MROH1: variants seen among roughly 807,000 people sequenced by gnomAD.
The protein encoded by MROH1 is maestro heat-like repeat-containing protein family member 1.
A neutral mutation model predicts 116.5 loss-of-function variants in MROH1; 117 were observed. The observed-to-expected ratio is 1.00, with a 90% CI of 0.86 to 1.17. The LOEUF (loss-of-function observed/expected upper bound fraction) is 1.17, where lower values mean the gene tolerates loss of function less well. Among genes scored for constraint, MROH1 ranks in the 50% most tolerant of loss-of-function variants. MROH1 has a pLI of 0.00. For synonymous variants in MROH1, 921 were observed against 583.9 expected (o/e 1.58, Z -8.32); for missense variants, 1,873 against 1,338.5 (o/e 1.40, Z -6.23).
At chr8:144,230,036 AAATAATAAT>A (rs35362416) in intron 14 of MROH1, among the ~76,000 whole-genome samples, 6 of 150,086 alleles carry the variant, frequency 4.0e-5, no homozygotes, top group Non-Finnish European at 7.4e-5. Context: ...TCTGTCTCAA[AAATAATAAT>A]AATAATAATA....
In MROH1 at chr8:144,247,669, G is replaced by T. The variant is rs913389679; in HGVS notation, c.3110G>T (p.Ser1037Ile). 5.9e-4 allele frequency: 455 copies of T among 766,478 alleles called. 1 individual carries two copies. The African/African-American group carries it at 6.8e-3, about 11-fold the overall frequency. The allele number at this position is 766,478 out of a possible 1,614,324, so 47.5% of individuals were successfully genotyped here. ...DPAILFHTCH[S>I]VGQIIAKRLP... is the part of the protein sequence containing the mutation. ...GCCATTCTCTTCCACACCTGCCACA[G>T]TGTAGGCCAGGTACCAGCTGGGAGC... The change falls in exon 31 of 44, where the codon AGT becomes ATT. Residue 1037 changes from serine (S) to isoleucine (I), a missense_variant. By Grantham distance (142) the Ser-to-Ile change is moderately radical (BLOSUM62 -2). Coordinates refer to ENST00000326134, the MANE Select transcript of MROH1 (RefSeq NM_032450.3).
intron 7 of MROH1, among the ~76,000 whole-genome samples, chr8:144,188,984 A>G (rs1323149846): frequency 6.6e-6 from 1 of 152,262 alleles, no homozygotes; most frequent in African/African-American, 2.4e-5. Flanking sequence ...CAGCCAGCCA[A>G]CATACACACA....
In MROH1 at chr8:144,168,461, GGAT is replaced by G. The variant is rs1408333870; in HGVS notation, c.168+26_168+28del. The G allele has an allele frequency of 1.9e-6, 3 of 1,585,476 alleles. No individual in the cohort carries two copies. The African/African-American group carries it at 4.0e-5, about 21-fold the overall frequency. On this transcript the variant is annotated intron_variant, in intron 4 of 43. Transcript: ENST00000326134. ...ACAAGGTATGTGTGCTCCTTGGTGG[GGAT>G]GATGTTGTCAGGGCCATGGTCGGTT...
chr8:144,223,536 G>A lies in MROH1; in HGVS notation c.1338+306G>A, dbSNP rs529714709. 3.9e-5 allele frequency among the ~76,000 whole-genome samples: 6 copies of A among 152,244 alleles called. 1 individual carries two copies. In the South Asian group the frequency reaches 8.3e-4, roughly 21 times the overall value. On this transcript the variant is annotated intron_variant, in intron 14 of 43. Coordinates refer to ENST00000326134, the MANE Select transcript of MROH1 (RefSeq NM_032450.3). ...GCACATGCGTGCCTGGCTCCCTCTG[G>A]TTTCTCAGTCAGAGCCTCTGCATTG...
At chr8:144,222,682 G>A (rs975895725) in intron 13 of MROH1, among the ~76,000 whole-genome samples, 1 of 152,108 alleles carries the variant, frequency 6.6e-6, no homozygotes, top group Non-Finnish European at 1.5e-5. Context: ...GCAGGCATAG[G>A]TGTGGATGTG....
At chr8:144,190,564 A>G (rs1190474873) in intron 7 of MROH1, among the ~76,000 whole-genome samples, 1 of 152,170 alleles carries the variant, frequency 6.6e-6, no homozygotes, top group Non-Finnish European at 1.5e-5. Context: ...TCTGTCTCAA[A>G]AAAAGTCACA....
intron 36 of MROH1, 116 bp from the exon 37 acceptor site, chr8:144,259,124 C>T (rs2129960571): frequency 4.3e-6 from 3 of 691,032 alleles, no homozygotes; most frequent in East Asian, 2.7e-5. Context: ...AAACATAGAA[C>T]TCCCAGAACC....
At chr8:144,197,090 G>A (rs543424772) in intron 10 of MROH1, among the ~76,000 whole-genome samples, 9 of 152,204 alleles carry the variant, frequency 5.9e-5, no homozygotes, top group Admixed American at 5.2e-4. Context: ...GCAAGACTCT[G>A]TCTCAAAAAA....
intron 4 of MROH1, among the ~76,000 whole-genome samples, chr8:144,175,803 C>T (rs1015924153): frequency 6.6e-6 from 1 of 152,214 alleles, no homozygotes; most frequent in Admixed American, 6.5e-5. Context: ...GTAATCCCAG[C>T]ACTTTGGGAG....
Position 144,151,048 on chromosome 8 carries a change from G to T in MROH1, c.-177+2972G>T, listed in dbSNP as rs896927505. ...GGATCACTTGAGGTCAGGAGTTCGA[G>T]ACCAGCCTGGCCAACATGGTGAAAC... On this transcript the variant is annotated intron_variant, in intron 1 of 43. Transcript: ENST00000326134. 4.0e-3 allele frequency among the ~76,000 whole-genome samples: 611 copies of T among 152,046 alleles called. 1 individual carries two copies. Among genetic ancestry groups the T allele is most frequent in the African/African-American group, 0.014 (580 of 41,506 alleles).
At chr8:144,221,156 A>G (rs569791113) in intron 13 of MROH1, among the ~76,000 whole-genome samples, 2 of 152,164 alleles carry the variant, frequency 1.3e-5, no homozygotes, top group Admixed American at 6.5e-5. Flanking sequence ...CATCACAACC[A>G]GGGAAGCTCC....
intron 32 of MROH1, among the ~76,000 whole-genome samples, chr8:144,249,628 C>T (rs1415241012): frequency 5.3e-5 from 8 of 152,224 alleles, no homozygotes; most frequent in African/African-American, 9.6e-5. Context: ...CCAGGGCCAG[C>T]GTCCTCCTGC....
Position 144,239,703 on chromosome 8 carries a change from G to C in MROH1, c.1722G>C (p.Leu574Phe). The change falls in exon 18 of 44, where the codon TTG (leucine) becomes TTC (phenylalanine). Residue 574 changes from leucine to phenylalanine, a missense_variant. By Grantham distance (22) the Leu-to-Phe change is conservative. Coordinates refer to ENST00000326134, the MANE Select transcript of MROH1 (RefSeq NM_032450.3). ...LSVLHPNIHP[L>F]LGQHWETTVP... is the part of the protein sequence containing the mutation. ...TTCTGCACCCAAACATTCACCCTTTGCTGGGTCAGCATTGGGAAACGACTG... is the reference window on the plus strand; with the variant it reads ...TTCTGCACCCAAACATTCACCCTTTCCTGGGTCAGCATTGGGAAACGACTG... 1.4e-6 allele frequency: 1 copy of C among 732,346 alleles called. No homozygotes were observed. Among genetic ancestry groups the C allele is most frequent in the East Asian group, 2.6e-5 (1 of 38,392 alleles). The allele number at this position is 732,346 out of a possible 1,614,324, so 45.4% of individuals were successfully genotyped here.
intron 7 of MROH1, among the ~76,000 whole-genome samples, chr8:144,183,002 G>A (rs527733339): frequency 7.9e-5 from 12 of 152,264 alleles, no homozygotes; most frequent in Admixed American, 2.0e-4. Context: ...CTTGAACCTC[G>A]GAGGCGGAGG....
At position 144,248,910 on chromosome 8, in the gene MROH1, A is replaced by G; in HGVS notation, c.3154A>G (p.Ile1052Val). The G allele has an allele frequency of 1.3e-6, 1 of 778,510 alleles. No homozygotes were observed. The highest frequency in any genetic ancestry group is 2.4e-6 in the Non-Finnish European group (1 of 417,020). 48.2% of individuals were successfully genotyped at this position (778,510 alleles called of 1,614,324 possible). A position where few individuals can be genotyped will look rare whatever the true frequency, so the allele number is the denominator to read the frequency against. ...IAKRLPPDQL[I>V]SLLLTMFEAL... is the part of the protein sequence containing the mutation. Reference sequence around the variant, plus strand: ...CAAGCGCCTCCCCCCAGACCAGCTCATCAGCCTCTTGCTAACCATGTTTGA... The same window carrying G: ...CAAGCGCCTCCCCCCAGACCAGCTCGTCAGCCTCTTGCTAACCATGTTTGA... The change falls in exon 32 of 44, where the codon ATC (isoleucine) becomes GTC (valine). Residue 1052 changes from isoleucine (I) to valine (V), a missense_variant. Physicochemically the swap from Ile to Val is conservative, Grantham distance 29. Coordinates refer to ENST00000326134, the MANE Select transcript of MROH1 (RefSeq NM_032450.3).
chr8:144,218,634 A>G (rs1374677849), intron 12 of MROH1, among the ~76,000 whole-genome samples: 3 of 139,328 alleles, frequency 2.2e-5, no homozygotes, highest in African/African-American at 8.1e-5. Context: ...ACTGAACTTC[A>G]GTGGTCCTTT....
intron 14 of MROH1, among the ~76,000 whole-genome samples, chr8:144,234,497 C>CATTTTTTTTTTTTTTTTTTTTTTT (rs1554823930): frequency 4.8e-5 from 1 of 20,630 alleles, no homozygotes; most frequent in East Asian, 1.2e-3. Flanking sequence ...CTTTCTTTTT[C>CATTTTTTTTTTTTTTTTTTTTTTT]GTTTTTTTTT....
intron 12 of MROH1, among the ~76,000 whole-genome samples, chr8:144,219,435 G>T (rs1005552866): frequency 6.6e-6 from 1 of 152,170 alleles, no homozygotes; most frequent in Non-Finnish European, 1.5e-5. Flanking sequence ...TGGGTTTACA[G>T]CCATGAGCCA....
At chr8:144,239,980 G>A (rs946729205) in intron 18 of MROH1, 121 bp from the exon 19 acceptor site, 5 of 711,506 alleles carry the variant, frequency 7.0e-6, no homozygotes, top group African/African-American at 7.0e-5. Flanking sequence ...GGAGCAGGTG[G>A]GGGGCAGCGG....
Sources: gnomAD v4.1 joint callset for allele counts (sites outside exome capture counted in the v4.1 genomes callset) on GRCh38, gnomAD v4.1.1 for gene constraint, MANE v1.5 for transcripts, NCBI Gene and HGNC (gene_info 2026-07-23, HGNC 2026-07-21) for gene names.